TCF7L2: variants seen among roughly 807,000 people sequenced by gnomAD.
TCF7L2 encodes the protein transcription factor 7-like 2.
Under a neutral mutation model 77.9 loss-of-function variants are expected in TCF7L2, and 23 were observed. That is an observed-to-expected ratio of 0.30 (90% CI 0.21 to 0.42). The LOEUF is 0.42. Among genes scored for constraint, TCF7L2 ranks in the 10% least tolerant of loss-of-function variants. TCF7L2 has a pLI of 1.00. For synonymous variants in TCF7L2, 413 were observed against 340.2 expected, an observed-to-expected ratio of 1.21 and a Z score of -2.36; for missense variants, 654 against 793.1, an observed-to-expected ratio of 0.82 and a Z score of 2.11.
intron 5 of TCF7L2, among the ~76,000 whole-genome samples, chr10:113,133,519 A>G (rs766963077): frequency 6.6e-6 from 1 of 152,150 alleles, no homozygotes; most frequent in Non-Finnish European, 1.5e-5. Flanking sequence ...CTGGGTGGTT[A>G]TAGTATAGAA....
chr10:113,046,681 G>T (rs114800158), intron 5 of TCF7L2, among the ~76,000 whole-genome samples: 1,613 of 152,200 alleles, frequency 0.011, 32 homozygotes, highest in African/African-American at 0.036. Context: ...TGCTAATTTT[G>T]TATTTAAAAG....
At chr10:113,025,622 CT>C (rs1341070001) in intron 4 of TCF7L2, among the ~76,000 whole-genome samples, 1 of 152,164 alleles carries the variant, frequency 6.6e-6, no homozygotes. Context: ...CTCAAGCAAT[CT>C]GCCCACCTTG....
intron 5 of TCF7L2, chr10:113,129,430 A>G: frequency 9.9e-7 from 1 of 1,007,946 alleles, no homozygotes; most frequent in Non-Finnish European, 1.2e-6. Flanking sequence ...GGGAACATGG[A>G]CCTTCCCCCT....
At chr10:113,068,922 A>G (rs1020170862) in intron 5 of TCF7L2, among the ~76,000 whole-genome samples, 6 of 147,636 alleles carry the variant, frequency 4.1e-5, no homozygotes, top group Admixed American at 3.4e-4. Flanking sequence ...TAATTTCCCA[A>G]TTAAAACAAC....
intron 5 of TCF7L2, among the ~76,000 whole-genome samples, chr10:113,091,869 T>C (rs545722121): frequency 2.0e-5 from 3 of 152,356 alleles, no homozygotes; most frequent in Admixed American, 1.3e-4. Context: ...CTGGGTCTGA[T>C]AGAGCAGGGA....
chr10:113,070,980 T>A (rs985063336), intron 5 of TCF7L2, among the ~76,000 whole-genome samples: 1 of 152,158 alleles, frequency 6.6e-6, no homozygotes, highest in Non-Finnish European at 1.5e-5. Flanking sequence ...AACTAATATA[T>A]TTTCTGCATC....
chr10:113,070,381 C>T (rs553988058), intron 5 of TCF7L2, among the ~76,000 whole-genome samples: 2 of 151,426 alleles, frequency 1.3e-5, no homozygotes, highest in East Asian at 1.9e-4. Flanking sequence ...TTCATTTCCT[C>T]GCTTTCCCTG....
At position 112,950,447 on chromosome 10, in the gene TCF7L2, G is replaced by T. The variant is rs1418453809; in HGVS notation, c.-310G>T. Reference sequence around the variant, plus strand: ...TATATCTGACTTCTTGTTGTTGTTGGTGTTTTTTTTTTTTTTACCCCCCTT... The same window carrying T: ...TATATCTGACTTCTTGTTGTTGTTGTTGTTTTTTTTTTTTTTACCCCCCTT... On this transcript the variant is annotated 5_prime_UTR_variant, in exon 1 of 14. Coordinates refer to ENST00000627217, the MANE Select transcript of TCF7L2 (RefSeq NM_001146274.2). The T allele has an allele frequency of 8.2e-6, 2 of 242,806 alleles. No homozygotes were observed. The highest frequency in any genetic ancestry group is 5.0e-5 in the African/African-American group (2 of 39,718). 15.0% of individuals were successfully genotyped at this position (242,806 alleles called of 1,614,324 possible).
chr10:112,968,678 A>G (rs1335004432), intron 4 of TCF7L2, among the ~76,000 whole-genome samples: 1 of 152,100 alleles, frequency 6.6e-6, no homozygotes, highest in Non-Finnish European at 1.5e-5. Flanking sequence ...TCCCAGGATC[A>G]AGCAATTCTC....
At chr10:112,964,436 T>C (rs1158168371) in intron 3 of TCF7L2, 120 bp from the exon 4 acceptor site, 4 of 811,832 alleles carry the variant, frequency 4.9e-6, no homozygotes, top group Non-Finnish European at 8.4e-6. Context: ...CAGGTCTTGA[T>C]TGAATGCCAA....
intron 7 of TCF7L2, among the ~76,000 whole-genome samples, chr10:113,144,444 T>G (rs2068953036): frequency 6.6e-6 from 1 of 152,112 alleles, no homozygotes; most frequent in South Asian, 2.1e-4. Flanking sequence ...TCCTCCATTT[T>G]AGGTGTTACA....
Position 112,951,629 on chromosome 10 carries a change from CCCCGCCCGCTGCCCG to C in TCF7L2, c.381+32_381+46del. On this transcript the variant is annotated intron_variant, in intron 3 of 13. Coordinates refer to ENST00000627217, the MANE Select transcript of TCF7L2 (RefSeq NM_001146274.2). ...AACCGTAAGTGCCTCCGCGCCCGGC[CCCCGCCCGCTGCCCG>C]CCCGCCCGCGCCGCCCGCCGGGCCC... The C allele has an allele frequency of 6.1e-6, 7 of 1,145,148 alleles. No homozygotes were observed. In the South Asian group the frequency reaches 8.3e-5, roughly 14 times the overall value. 70.9% of individuals were successfully genotyped at this position (1,145,148 alleles called of 1,614,324 possible). A position where few individuals can be genotyped will look rare whatever the true frequency, so the allele number is the denominator to read the frequency against.
At chr10:112,983,030 T>A (rs752794814) in intron 4 of TCF7L2, among the ~76,000 whole-genome samples, 6 of 152,196 alleles carry the variant, frequency 3.9e-5, no homozygotes, top group Admixed American at 3.9e-4. Flanking sequence ...ATGGGACTTA[T>A]AATTATTATT....
At chr10:113,105,859 G>A (rs1335565705) in intron 5 of TCF7L2, among the ~76,000 whole-genome samples, 1 of 152,100 alleles carries the variant, frequency 6.6e-6, no homozygotes, top group Non-Finnish European at 1.5e-5. Context: ...ACGGCCCTTG[G>A]GGCTCTGGCA....
intron 8 of TCF7L2, among the ~76,000 whole-genome samples, chr10:113,147,644 C>G (rs1000961187): frequency 6.6e-6 from 1 of 152,168 alleles, no homozygotes; most frequent in Admixed American, 6.5e-5. Context: ...GGGACCACGG[C>G]TACATGTCAT....
At chr10:113,028,832 A>G (rs1168856818) in intron 4 of TCF7L2, among the ~76,000 whole-genome samples, 1 of 152,200 alleles carries the variant, frequency 6.6e-6, no homozygotes, top group Admixed American at 6.5e-5. Context: ...ATCTGCTGCA[A>G]TCTGATGATT....
chr10:113,139,765 G>A (rs1468490254), intron 5 of TCF7L2, among the ~76,000 whole-genome samples: 4 of 148,004 alleles, frequency 2.7e-5, no homozygotes, highest in Non-Finnish European at 5.9e-5. Flanking sequence ...TCAATTACCT[G>A]TGGTAAGAAA....
chr10:112,964,658 G>A (rs2134601800), intron 4 of TCF7L2, 34 bp downstream of exon 4: 1 of 1,584,026 alleles, frequency 6.3e-7, no homozygotes, highest in Non-Finnish European at 8.7e-7. Flanking sequence ...AGCTTGAATT[G>A]TCTATATGTA....
chr10:113,028,847 G>A (rs1260222228), intron 4 of TCF7L2, among the ~76,000 whole-genome samples: 1 of 152,134 alleles, frequency 6.6e-6, no homozygotes, highest in East Asian at 1.9e-4. Context: ...ATGATTCATG[G>A]ATTTAAAATA....
Sources: gnomAD v4.1 joint callset for allele counts (sites outside exome capture counted in the v4.1 genomes callset) on GRCh38, gnomAD v4.1.1 for gene constraint, MANE v1.5 for transcripts, NCBI Gene and HGNC (gene_info 2026-07-23, HGNC 2026-07-21) for gene names.